PPP2R2C: variants seen among roughly 807,000 people sequenced by gnomAD.
PPP2R2C encodes the protein protein phosphatase 2 regulatory subunit Bgamma.
PPP2R2C carries 10 observed loss-of-function variants against 45.3 expected under a neutral mutation model. The ratio of observed to expected loss-of-function variants is 0.22; its 90% CI spans 0.14 to 0.37. The LOEUF (loss-of-function observed/expected upper bound fraction) is 0.37, where lower values mean the gene tolerates loss of function less well. Ranked by LOEUF, PPP2R2C falls within the 10% of genes least tolerant of loss-of-function variation. The probability of loss-of-function intolerance (pLI) is 1.00; values close to 1 mark genes in which losing one functional copy is unlikely to be tolerated. For synonymous variants in PPP2R2C, 257 were observed against 245.4 expected, an observed-to-expected ratio of 1.05 and a Z score of -0.44; for missense variants, 308 against 619.7, an observed-to-expected ratio of 0.50 and a Z score of 5.34.
chr4:6,331,404 T>C lies in PPP2R2C; in HGVS notation c.961-2051A>G, dbSNP rs1177170944. Among the ~76,000 whole-genome samples the C allele has an allele frequency of 6.6e-6, 1 of 151,876 alleles. No homozygotes were observed. Among genetic ancestry groups the C allele is most frequent in the Non-Finnish European group, 1.5e-5 (1 of 67,934 alleles). On this transcript the variant is annotated intron_variant, in intron 7 of 8. Transcript: ENST00000382599. This position sits in a 1 kb window ranked among gnomAD's most constrained non-coding sequence, Gnocchi z 5.9. ...GAGGCTTAGATGAGGCAAAGCATAT[T>C]ATGGACTTACCTCAGTGTGGCTCAT...
intron 5 of PPP2R2C, 76 bp downstream of exon 5, chr4:6,372,447 A>G: frequency 1.3e-6 from 2 of 1,504,546 alleles, no homozygotes; most frequent in Admixed American, 1.7e-5. Flanking sequence ...GCTGTCTGCC[A>G]ATCAAACCAA....
chr4:6,415,932 T>G (rs1335552863), intron 1 of PPP2R2C, among the ~76,000 whole-genome samples: 1 of 152,212 alleles, frequency 6.6e-6, no homozygotes, highest in African/African-American at 2.4e-5. Flanking sequence ...TTCTCTCAAC[T>G]GGTCCAACTC....
At chr4:6,446,230 G>T (rs1048345078) in intron 1 of PPP2R2C, among the ~76,000 whole-genome samples, 3 of 152,168 alleles carry the variant, frequency 2.0e-5, no homozygotes, top group African/African-American at 7.2e-5. Flanking sequence ...CCCCTGCAGC[G>T]TCGTCAAACC....
At chr4:6,513,842 C>T (rs1723749272) in intron 2 of PPP2R2C, among the ~76,000 whole-genome samples, 1 of 152,232 alleles carries the variant, frequency 6.6e-6, no homozygotes, top group Non-Finnish European at 1.5e-5. Context: ...CAGTTTTCTC[C>T]AGTGGGGAGC....
At chr4:6,444,543 C>T (rs1720317833) in intron 1 of PPP2R2C, among the ~76,000 whole-genome samples, 1 of 152,122 alleles carries the variant, frequency 6.6e-6, no homozygotes, top group Admixed American at 6.5e-5. Context: ...TGTAAATCTC[C>T]CTGAGGTTTC....
chr4:6,525,270 T>C (rs1724161693), intron 2 of PPP2R2C, among the ~76,000 whole-genome samples: 1 of 151,982 alleles, frequency 6.6e-6, no homozygotes, highest in Non-Finnish European at 1.5e-5. Flanking sequence ...CCGGGCATGG[T>C]GGCATGTGCC....
rs751883640 is a variant in PPP2R2C, at chr4:6,368,461, G to A, written c.625+4062C>T. 6.6e-6 allele frequency among the ~76,000 whole-genome samples: 1 copy of A among 152,166 alleles called. No homozygotes were observed. The highest frequency in any genetic ancestry group is 1.5e-5 in the Non-Finnish European group (1 of 68,038). ...ACCCAAGAGGGCTGGCACACAGTAG[G>A]TGCTTAATAAATACCTGCTGGTAAA... On this transcript the variant is annotated intron_variant, in intron 5 of 8. Transcript: ENST00000382599. This position sits in a 1 kb window ranked among gnomAD's most constrained non-coding sequence, Gnocchi z 4.2.
At chr4:6,365,728 C>T (rs780292891) in intron 5 of PPP2R2C, among the ~76,000 whole-genome samples, 1 of 152,226 alleles carries the variant, frequency 6.6e-6, no homozygotes, top group African/African-American at 2.4e-5. Context: ...CTGCACCCCC[C>T]TCCAGCCCAC....
intron 1 of PPP2R2C, among the ~76,000 whole-genome samples, chr4:6,409,768 C>A (rs921398066): frequency 1.3e-5 from 2 of 152,136 alleles, no homozygotes; most frequent in African/African-American, 4.8e-5. Flanking sequence ...GGGGATAGAG[C>A]CAAGAGGAGA....
upstream of PPP2R2C, among the ~76,000 whole-genome samples, chr4:6,475,628 C>T (rs1301931008): frequency 1.3e-5 from 2 of 152,208 alleles, no homozygotes; most frequent in African/African-American, 2.4e-5. Flanking sequence ...CTCGTGGTCT[C>T]ACCCTGTGGA....
intron 1 of PPP2R2C, among the ~76,000 whole-genome samples, chr4:6,398,414 C>G (rs1717198822): frequency 6.6e-6 from 1 of 152,100 alleles, no homozygotes; most frequent in Admixed American, 6.6e-5. Context: ...AATATAAACA[C>G]AAGCAACCTG....
At chr4:6,539,501 C>T (rs73209729) in intron 1 of PPP2R2C, among the ~76,000 whole-genome samples, 10,121 of 152,276 alleles carry the variant, frequency 0.066, 357 homozygotes, top group Middle Eastern at 0.1. Context: ...TCTAGTGTAA[C>T]TTCCAGACTA....
Position 6,363,060 on chromosome 4 carries a change from G to T in PPP2R2C, c.625+9463C>A, listed in dbSNP as rs948118239. 3.3e-5 allele frequency among the ~76,000 whole-genome samples: 5 copies of T among 152,172 alleles called. 1 individual carries two copies. Among genetic ancestry groups the T allele is most frequent in the Non-Finnish European group, 7.3e-5 (5 of 68,038 alleles). On this transcript the variant is annotated intron_variant, in intron 5 of 8. Coordinates refer to ENST00000382599, the MANE Select transcript of PPP2R2C (RefSeq NM_020416.4). The stretch of plus-strand genomic sequence containing the variant: ...TGACACAGCAAGTAGTGACAGTGGG[G>T]TGGGAGGTGGAGATGCTGACCTCGA...
At chr4:6,384,312 A>C (rs16838698) in intron 1 of PPP2R2C, 635,462 of 985,158 alleles carry the variant, frequency 0.65, 209,299 homozygotes, top group Admixed American at 0.7. Flanking sequence ...GATCTACATC[A>C]GTGATTATAG....
intron 1 of PPP2R2C, among the ~76,000 whole-genome samples, chr4:6,439,186 C>A (rs1344225508): frequency 6.6e-6 from 1 of 152,250 alleles, no homozygotes. Flanking sequence ...AATACATTTG[C>A]TCTCCATTAA....
intron 1 of PPP2R2C, among the ~76,000 whole-genome samples, chr4:6,538,822 G>A (rs986288142): frequency 2.0e-5 from 3 of 152,176 alleles, no homozygotes; most frequent in South Asian, 2.1e-4. Flanking sequence ...ATGTCCTCCC[G>A]GCCCTGCTGC....
At chr4:6,472,017 G>T in intron 1 of PPP2R2C, 143 bp downstream of exon 1, 2 of 1,033,118 alleles carry the variant, frequency 1.9e-6, no homozygotes, top group Non-Finnish European at 2.8e-6. Context: ...GGATGGGGTG[G>T]GGTGGGGTGG....
chr4:6,554,381 T>C (rs1022969416), intron 1 of PPP2R2C, among the ~76,000 whole-genome samples: 1 of 152,186 alleles, frequency 6.6e-6, no homozygotes, highest in African/African-American at 2.4e-5. Context: ...ATTCCCCCTC[T>C]AATTCCTCCA....
At chr4:6,547,347 T>C (rs1177500781) in intron 1 of PPP2R2C, among the ~76,000 whole-genome samples, 4 of 151,728 alleles carry the variant, frequency 2.6e-5, no homozygotes, top group African/African-American at 9.7e-5. Flanking sequence ...TAATCTAACT[T>C]TCCTGAGTGT....
Sources: allele counts gnomAD v4.1 joint callset (sites outside exome capture counted in the v4.1 genomes callset), GRCh38; gene constraint gnomAD v4.1.1; non-coding constraint Gnocchi (gnomAD v3.1); transcripts MANE v1.5; gene names NCBI Gene and HGNC (gene_info 2026-07-23, HGNC 2026-07-21).